The following PTPRF variants were observed in gnomAD, a reference collection of about 807,000 sequenced individuals.
The protein encoded by PTPRF is protein tyrosine phosphatase receptor type F.
PTPRF carries 59 observed loss-of-function variants against 201.8 expected under a neutral mutation model. The ratio of observed to expected loss-of-function variants is 0.29; its 90% CI spans 0.24 to 0.36. The LOEUF (loss-of-function observed/expected upper bound fraction) is 0.36. Among genes scored for constraint, PTPRF ranks in the 10% least tolerant of loss-of-function variants. The pLI, the probability that PTPRF is intolerant of heterozygous loss-of-function variation, is 1.00. For missense variants in PTPRF, 2,132 were observed against 2,690.5 expected (o/e 0.79, Z 4.59); for synonymous variants, 1,088 against 1,089.7 (o/e 1.00, Z 0.03).
At position 43,579,599 on chromosome 1, in the gene PTPRF, G is replaced by C. The variant is rs1168513766; in HGVS notation, c.679+679G>C. On this transcript the variant is annotated intron_variant, in intron 7 of 33. Coordinates refer to ENST00000359947, the MANE Select transcript of PTPRF (RefSeq NM_002840.5). ...CCCAGCAGAGAGGAACCTGGGGACT[G>C]TTTTGGGGTTTCCAATCTCTGCTAT... The C allele has an allele frequency of 1.4e-5, 4 of 276,164 alleles. No individual in the cohort carries two copies. The East Asian group carries it at 3.9e-4, about 27-fold the overall frequency. 17.1% of individuals were successfully genotyped at this position (276,164 alleles called of 1,614,324 possible).
intron 22 of PTPRF, chr1:43,613,048 A>T: frequency 2.8e-6 from 1 of 358,802 alleles, no homozygotes; most frequent in Non-Finnish European, 5.4e-6. Context: ...TCTGGCCTCC[A>T]GTCCCGGCCT....
Position 43,561,254 on chromosome 1 carries a change from G to C in PTPRF, c.379+7313G>C, listed in dbSNP as rs369895000. The stretch of plus-strand genomic sequence containing the variant: ...TGGAACTGGAGCAGAGCTGGTGAGG[G>C]AGCTTACATTTGCAAGATGGGTACA... On this transcript the variant is annotated intron_variant, in intron 5 of 33. Coordinates refer to ENST00000359947, the MANE Select transcript of PTPRF (RefSeq NM_002840.5). Among the ~76,000 whole-genome samples, 16 of 152,286 alleles carry C rather than the reference G, an allele frequency of 1.1e-4. No homozygotes were observed. In the East Asian group the frequency reaches 2.7e-3, roughly 26 times the overall value.
intron 11 of PTPRF, among the ~76,000 whole-genome samples, chr1:43,593,391 C>T (rs904379914): frequency 1.5e-4 from 23 of 152,164 alleles, no homozygotes; most frequent in Non-Finnish European, 2.5e-4. Context: ...ATTTGTGGGT[C>T]TCGGTAGCCC....
intron 13 of PTPRF, among the ~76,000 whole-genome samples, chr1:43,601,681 T>C (rs1570531087): frequency 6.6e-6 from 1 of 152,334 alleles, no homozygotes; most frequent in East Asian, 1.9e-4. Flanking sequence ...CATTCACCCC[T>C]CAGTGTCTTC....
intron 10 of PTPRF, among the ~76,000 whole-genome samples, 174 bp downstream of exon 10, chr1:43,592,122 G>A (rs916010395): frequency 2.7e-5 from 4 of 150,940 alleles, no homozygotes; most frequent in Non-Finnish European, 5.9e-5. Flanking sequence ...CAGCCTGTAT[G>A]AATCTGGAGT....
At position 43,622,045 on chromosome 1, in the gene PTPRF, C is replaced by T. The variant is rs368899845; in HGVS notation, c.*42C>T. On this transcript the variant is annotated 3_prime_UTR_variant, in exon 34 of 34. Transcript: ENST00000359947. ...CTCCGCCACCCCCGCCGTGGGGCTC[C>T]GGAGGGGACCCAGCTCCTCTGAGCC... 80 of 1,594,090 alleles carry T rather than the reference C, an allele frequency of 5.0e-5. No individual in the cohort carries two copies. In the African/African-American group the frequency reaches 6.2e-4, roughly 12 times the overall value.
intron 5 of PTPRF, among the ~76,000 whole-genome samples, chr1:43,556,767 C>T (rs1227803219): frequency 2.6e-5 from 4 of 152,230 alleles, no homozygotes; most frequent in Admixed American, 2.0e-4. Flanking sequence ...GTGTATGAAG[C>T]GCTTCCCAGG....
chr1:43,614,399 G>A (rs1274587415), intron 23 of PTPRF, among the ~76,000 whole-genome samples: 1 of 152,168 alleles, frequency 6.6e-6, no homozygotes, highest in Non-Finnish European at 1.5e-5. Context: ...CCCTCCACAC[G>A]TTCATCTTGT....
intron 5 of PTPRF, among the ~76,000 whole-genome samples, chr1:43,566,085 C>T (rs575793155): frequency 1.3e-5 from 2 of 152,302 alleles, no homozygotes; most frequent in Non-Finnish European, 2.9e-5. Flanking sequence ...GCAAACGCCG[C>T]GGCGCGTGTG....
chr1:43,598,767 A>T lies in PTPRF; in HGVS notation c.2167A>T (p.Thr723Ser). 1 of 1,614,088 alleles carries T rather than the reference A, an allele frequency of 6.2e-7. No homozygotes were observed. The highest frequency in any genetic ancestry group is 8.5e-7 in the Non-Finnish European group (1 of 1,179,964). The part of the protein sequence containing the change: ...RKVEVEPLNS[T>S]AVHVYWKLPV... ...GGTGGAGGTGGAGCCACTGAACTCC[A>T]CTGCTGTGCATGTCTACTGGAAGCT... The change falls in exon 13 of 34, where the codon ACT (threonine) becomes TCT (serine). Residue 723 changes from threonine (T) to serine (S), a missense_variant. By Grantham distance (58) the Thr-to-Ser change is moderately conservative (BLOSUM62 1). This residue lies in a region of PTPRF where 125 missense variants were observed against 211.9 expected (regional missense o/e 0.59). Coordinates refer to ENST00000359947, the MANE Select transcript of PTPRF (RefSeq NM_002840.5).
rs752333602 is a variant in PTPRF at position 43,604,942 on chromosome 1, C to T, written c.3077C>T (p.Thr1026Met). The T allele has an allele frequency of 6.8e-6, 11 of 1,614,070 alleles. No individual in the cohort carries two copies. The highest frequency in any genetic ancestry group is 5.0e-5 in the Admixed American group (3 of 60,006). Reference protein sequence around the residue: ...KNFRVAAAMKTSVLLSWEVPD... With the variant: ...KNFRVAAAMKMSVLLSWEVPD... ...TTCCGGGTGGCGGCTGCAATGAAGACGTCTGTGCTGCTCAGCTGGGAGGTT... is the reference window on the plus strand; with the variant it reads ...TTCCGGGTGGCGGCTGCAATGAAGATGTCTGTGCTGCTCAGCTGGGAGGTT... The change falls in exon 17 of 34, where the codon ACG (threonine) becomes ATG (methionine). Residue 1026 changes from threonine (T) to methionine (M), a missense_variant. Coordinates refer to ENST00000359947, the MANE Select transcript of PTPRF (RefSeq NM_002840.5).
In PTPRF at chr1:43,608,784, G is replaced by A. The variant is rs142778324; in HGVS notation, c.3858-599G>A. ...AAATTCTTCTTTCCGAAGCACATGC[G>A]TCTGCAGACCACAAGTAGCCTCTGG... is the stretch of plus-strand genomic sequence containing the variant. On this transcript the variant is annotated intron_variant, in intron 21 of 33. Coordinates refer to ENST00000359947, the MANE Select transcript of PTPRF (RefSeq NM_002840.5). Among the ~76,000 whole-genome samples, 330 of 152,296 alleles carry A rather than the reference G, an allele frequency of 2.2e-3. 2 individuals are homozygous for A. The highest frequency in any genetic ancestry group is 3.8e-3 in the Non-Finnish European group (261 of 68,032).
At chr1:43,525,761 C>T (rs892674690), upstream of PTPRF, among the ~76,000 whole-genome samples, 8 of 133,676 alleles carry the variant, frequency 6.0e-5, no homozygotes, top group African/African-American at 8.4e-5. Context: ...GCCGAGATGG[C>T]GCCACTGCCC....
At position 43,603,553 on chromosome 1, in the gene PTPRF, G is replaced by T; in HGVS notation, c.2458+20G>T. 6.2e-7 allele frequency: 1 copy of T among 1,612,778 alleles called. No individual in the cohort carries two copies. The highest frequency in any genetic ancestry group is 8.5e-7 in the Non-Finnish European group (1 of 1,179,272). On this transcript the variant is annotated intron_variant, in intron 15 of 33. Transcript: ENST00000359947. This position sits in a 1 kb window ranked among gnomAD's most constrained non-coding sequence, Gnocchi z 5.8. Reference sequence around the variant, plus strand: ...GTGCAGGTGAGTGAGGGGTCAGGACGGACCTGAGGGTGGGGCAGCAGGAGG... The same window carrying T: ...GTGCAGGTGAGTGAGGGGTCAGGACTGACCTGAGGGTGGGGCAGCAGGAGG...
chr1:43,611,995 G>C (rs574090436), intron 22 of PTPRF, among the ~76,000 whole-genome samples: 1 of 152,186 alleles, frequency 6.6e-6, no homozygotes, highest in African/African-American at 2.4e-5. Context: ...GAAGGAGACC[G>C]GGACCAAAAA....
In PTPRF at chr1:43,569,623, A is replaced by G. The variant is rs1646434357; in HGVS notation, c.413A>G (p.Asp138Gly). 6.2e-7 allele frequency: 1 copy of G among 1,611,960 alleles called. No homozygotes were observed. The highest frequency in any genetic ancestry group is 8.5e-7 in the Non-Finnish European group (1 of 1,178,634). ...EQLPPGFPSI[D>G]MGPQLKVVEK... ...CTGCCCCCTGGGTTCCCTTCCATCG[A>G]CATGGGGCCTCAGCTGAAGGTGGTG... Residue 138 changes from aspartate (D) to glycine (G), a missense_variant, in exon 6 of 34, where the codon GAC becomes GGC. By Grantham distance (94) the Asp-to-Gly change is moderately conservative. Coordinates refer to ENST00000359947, the MANE Select transcript of PTPRF (RefSeq NM_002840.5).
intron 3 of PTPRF, among the ~76,000 whole-genome samples, chr1:43,548,031 C>G (rs1048660795): frequency 6.6e-6 from 1 of 151,810 alleles, no homozygotes; most frequent in Admixed American, 6.6e-5. Flanking sequence ...GTGGCACTGA[C>G]ACAGGCCATG....
intron 19 of PTPRF, among the ~76,000 whole-genome samples, chr1:43,605,872 A>G (rs900835311): frequency 2.0e-5 from 3 of 152,234 alleles, no homozygotes; most frequent in Non-Finnish European, 4.4e-5. Context: ...CTGCAGGTCT[A>G]GAGAATGCCA....
intron 19 of PTPRF, among the ~76,000 whole-genome samples, chr1:43,605,835 C>T (rs886873846): frequency 6.6e-6 from 1 of 152,200 alleles, no homozygotes; most frequent in African/African-American, 2.4e-5. Context: ...CGAAGAATCC[C>T]TGGGGTGGGA....
Sources: allele counts gnomAD v4.1 joint callset (sites outside exome capture counted in the v4.1 genomes callset), GRCh38; gene constraint gnomAD v4.1.1; regional missense constraint gnomAD v4.1.1; non-coding constraint Gnocchi (gnomAD v3.1); transcripts MANE v1.5; gene names NCBI Gene and HGNC (gene_info 2026-07-23, HGNC 2026-07-21).